ACOXL: variants seen among roughly 807,000 people sequenced by gnomAD.
ACOXL encodes acyl-CoA oxidase like.
In ACOXL, 70 loss-of-function variants were observed where a neutral mutation model predicts 71.9. The observed-to-expected ratio is 0.97, with a 90% CI of 0.80 to 1.19. The LOEUF is 1.19. ACOXL is among the 50% of genes most tolerant of loss of function. The pLI is 0.00. For synonymous variants in ACOXL, 253 were observed against 281.6 expected, an observed-to-expected ratio of 0.90 and a Z score of 1.02; for missense variants, 703 against 736.3, an observed-to-expected ratio of 0.95 and a Z score of 0.52.
intron 9 of ACOXL, among the ~76,000 whole-genome samples, chr2:110,807,640 G>A (rs886946980): frequency 3.9e-5 from 6 of 152,142 alleles, no homozygotes; most frequent in South Asian, 2.1e-4. Flanking sequence ...GGAAGACCCC[G>A]CACAGAGCCA....
chr2:111,078,274 C>CT (rs1369724834), intron 16 of ACOXL, among the ~76,000 whole-genome samples: 5 of 151,612 alleles, frequency 3.3e-5, no homozygotes, highest in Non-Finnish European at 7.4e-5. Flanking sequence ...TTCTTTCTTT[C>CT]TTTTTTTTGA....
intron 10 of ACOXL, among the ~76,000 whole-genome samples, chr2:110,903,437 A>G (rs1047900748): frequency 3.3e-5 from 5 of 152,360 alleles, no homozygotes; most frequent in African/African-American, 1.2e-4. Flanking sequence ...ATAATTTTAA[A>G]TGGCATCATT....
chr2:110,782,698 G>A (rs1412701058), intron 2 of ACOXL, among the ~76,000 whole-genome samples: 2 of 152,198 alleles, frequency 1.3e-5, no homozygotes, highest in Non-Finnish European at 2.9e-5. Flanking sequence ...AAAAATGACC[G>A]CAGTTGGACA....
intron 16 of ACOXL, among the ~76,000 whole-genome samples, chr2:111,084,039 AT>A (rs1558950927): frequency 1.3e-5 from 2 of 152,026 alleles, no homozygotes; most frequent in African/African-American, 4.8e-5. Context: ...AAAAAATGTG[AT>A]TTGGGGCCAG....
At chr2:110,883,445 A>G (rs1056828256) in intron 10 of ACOXL, among the ~76,000 whole-genome samples, 1 of 152,052 alleles carries the variant, frequency 6.6e-6, no homozygotes, top group African/African-American at 2.4e-5. Flanking sequence ...TCCTAAACTC[A>G]GGGCACACAT....
At chr2:111,109,688 T>TTTTTTTC (rs1444602474) in intron 17 of ACOXL, among the ~76,000 whole-genome samples, 4 of 140,832 alleles carry the variant, frequency 2.8e-5, no homozygotes, top group African/African-American at 8.0e-5. Flanking sequence ...TTTTTTTTTT[T>TTTTTTTC]TTTTTTTTGA....
chr2:110,821,846 A>G (rs532294529), intron 9 of ACOXL, among the ~76,000 whole-genome samples: 1 of 152,012 alleles, frequency 6.6e-6, no homozygotes. Flanking sequence ...ATCTAATACT[A>G]CTTTCTTTTG....
intron 16 of ACOXL, among the ~76,000 whole-genome samples, chr2:111,058,174 G>C (rs2066640205): frequency 6.6e-6 from 1 of 152,234 alleles, no homozygotes; most frequent in South Asian, 2.1e-4. Flanking sequence ...GGCTCTCGGA[G>C]ACTAAAGTTA....
At chr2:110,968,649 C>G (rs1193893991) in intron 12 of ACOXL, 1 of 1,032,640 alleles carries the variant, frequency 9.7e-7, no homozygotes, top group Non-Finnish European at 1.4e-6. Context: ...ATGTCCATTG[C>G]CCAGAAGAAA....
intron 2 of ACOXL, among the ~76,000 whole-genome samples, chr2:110,780,954 C>T (rs146596516): frequency 2.7e-4 from 41 of 152,108 alleles, no homozygotes; most frequent in African/African-American, 9.6e-4. Flanking sequence ...TCCTTGAGCC[C>T]AGGAGTTTGA....
At chr2:110,880,168 AAAAAG>A (rs1171665235) in intron 10 of ACOXL, among the ~76,000 whole-genome samples, 28 of 150,674 alleles carry the variant, frequency 1.9e-4, no homozygotes, top group Admixed American at 3.3e-4. Context: ...AAAAAAAAAA[AAAAAG>A]AAAAGAAAAG....
intron 1 of ACOXL, among the ~76,000 whole-genome samples, chr2:110,755,184 A>G (rs1254715331): frequency 6.6e-6 from 1 of 152,108 alleles, no homozygotes; most frequent in Non-Finnish European, 1.5e-5. Flanking sequence ...AGACCTCATC[A>G]CATCTCCAAC....
chr2:111,055,729 C>T (rs2066502716), intron 16 of ACOXL, among the ~76,000 whole-genome samples: 2 of 152,236 alleles, frequency 1.3e-5, no homozygotes, highest in South Asian at 4.1e-4. Flanking sequence ...GGTATGACTG[C>T]ATTTCCAAAC....
chr2:110,803,985 C>CTTTT (rs1177385627), intron 8 of ACOXL, among the ~76,000 whole-genome samples: 31 of 132,238 alleles, frequency 2.3e-4, no homozygotes, highest in African/African-American at 7.5e-4. Flanking sequence ...ACTAGGATGT[C>CTTTT]TTTTTTTTTT....
rs557884295 is a variant in ACOXL, at chr2:111,085,859, A to G, written c.1441-7006A>G. On this transcript the variant is annotated intron_variant, in intron 16 of 17. Transcript: ENST00000439055. ...GAAAAGAGAGAAAGTCCAAATAAAC[A>G]CAATTAGAAATGACAAAGGGGATGT... Among the ~76,000 whole-genome samples the G allele has an allele frequency of 3.3e-5, 5 of 152,298 alleles. No homozygotes were observed. In the East Asian group the frequency reaches 7.7e-4, roughly 23 times the overall value.
intron 14 of ACOXL, among the ~76,000 whole-genome samples, chr2:111,031,049 G>A (rs967447690): frequency 1.3e-5 from 2 of 152,236 alleles, no homozygotes; most frequent in African/African-American, 4.8e-5. Flanking sequence ...ATCTTGCACA[G>A]AGTAGATGCA....
At chr2:111,032,025 T>A (rs918218943) in intron 15 of ACOXL, among the ~76,000 whole-genome samples, 3 of 152,184 alleles carry the variant, frequency 2.0e-5, no homozygotes, top group Admixed American at 6.5e-5. Context: ...TGCCTGTCCC[T>A]CAGAAGTGGC....
chr2:110,844,333 C>G (rs928269595), intron 10 of ACOXL, among the ~76,000 whole-genome samples: 1 of 152,172 alleles, frequency 6.6e-6, no homozygotes, highest in Non-Finnish European at 1.5e-5. Context: ...TTTTAACATT[C>G]TGGAAAGTAC....
chr2:110,848,615 TA>T (rs796451531), intron 10 of ACOXL, among the ~76,000 whole-genome samples: 41 of 152,338 alleles, frequency 2.7e-4, no homozygotes, highest in African/African-American at 8.9e-4. Flanking sequence ...GAGGTTAATG[TA>T]GCAGATGGAT....
Sources: gnomAD v4.1 joint callset for allele counts (sites outside exome capture counted in the v4.1 genomes callset) on GRCh38, gnomAD v4.1.1 for gene constraint, MANE v1.5 for transcripts, NCBI Gene and HGNC (gene_info 2026-07-23, HGNC 2026-07-21) for gene names.